The following FBXO8 variants were observed in gnomAD, a reference collection of about 807,000 sequenced individuals.
The protein encoded by FBXO8 is F-box only protein 8.
Under a neutral mutation model 33.4 loss-of-function variants are expected in FBXO8, and 15 were observed. The observed-to-expected ratio is 0.45, with a 90% CI of 0.30 to 0.69. The LOEUF is 0.69. FBXO8 is among the 30% of genes least tolerant of loss of function. FBXO8 has a pLI of 0.08. For missense variants in FBXO8, 274 were observed against 380.3 expected (o/e 0.72, Z 2.32); for synonymous variants, 132 against 131.5 (o/e 1.00, Z -0.02).
At position 174,262,715 on chromosome 4, in the gene FBXO8, T is replaced by C. The variant is rs1736597628; in HGVS notation, c.329+49A>G. 6.8e-7 allele frequency: 1 copy of C among 1,474,814 alleles called. No individual in the cohort carries two copies. The highest frequency in any genetic ancestry group is 9.4e-7 in the Non-Finnish European group (1 of 1,063,704). 91.4% of individuals were successfully genotyped at this position (1,474,814 alleles called of 1,614,324 possible). A position where few individuals can be genotyped will look rare whatever the true frequency, so the allele number is the denominator to read the frequency against. On this transcript the variant is annotated intron_variant, in intron 2 of 5. Coordinates refer to ENST00000393674, the MANE Select transcript of FBXO8 (RefSeq NM_012180.3). This position sits in a 1 kb window ranked among gnomAD's most constrained non-coding sequence, Gnocchi z 4.6. ...ACATTATAAAAAGAACATTGAAGCATGATTATGTTTAGAGATACCTGAATT... is the reference window on the plus strand; with the variant it reads ...ACATTATAAAAAGAACATTGAAGCACGATTATGTTTAGAGATACCTGAATT...
At position 174,263,079 on chromosome 4, in the gene FBXO8, A is replaced by C. The variant is rs769208942; in HGVS notation, c.14T>G (p.Leu5Trp). ...CTGCTGGTTTCTGACCACTCTCCACAACCCTTGACCCATCTGCAAGCCTGG... is the reference window on the plus strand; with the variant it reads ...CTGCTGGTTTCTGACCACTCTCCACCACCCTTGACCCATCTGCAAGCCTGG... Reference protein sequence around the residue: MGQGLWRVVRNQQLQ... With the variant: MGQGWWRVVRNQQLQ... Residue 5 changes from leucine to tryptophan, a missense_variant, in exon 2 of 6, where the codon TTG becomes TGG. By Grantham distance (61) the Leu-to-Trp change is moderately conservative. This residue lies in a region of FBXO8 where 88 missense variants were observed against 86.9 expected (regional missense o/e 1.01). Coordinates refer to ENST00000393674, the MANE Select transcript of FBXO8 (RefSeq NM_012180.3). The surrounding 1 kb of genome is among the most constrained non-coding windows in gnomAD (Gnocchi z 4.2). The C allele has an allele frequency of 1.2e-6, 2 of 1,613,706 alleles. No homozygotes were observed. The highest frequency in any genetic ancestry group is 2.2e-5 in the South Asian group (2 of 91,058).
chr4:174,252,896 G>A lies in FBXO8; in HGVS notation c.456+6803C>T, dbSNP rs1344245152. On this transcript the variant is annotated intron_variant, in intron 3 of 5. Transcript: ENST00000393674. The surrounding 1 kb of genome is among the most constrained non-coding windows in gnomAD (Gnocchi z 5.1). ...TGAGGCACAAGAATTACCTGAGCCC[G>A]GGAGGTGGTGATTGCAGTGAGCCAA... is the stretch of plus-strand genomic sequence containing the variant. 1.3e-5 allele frequency among the ~76,000 whole-genome samples: 2 copies of A among 152,032 alleles called. No individual in the cohort carries two copies. Among genetic ancestry groups the A allele is most frequent in the African/African-American group, 2.4e-5 (1 of 41,376 alleles).
At chr4:174,246,552 G>A (rs1398147605) in intron 3 of FBXO8, among the ~76,000 whole-genome samples, 1 of 151,386 alleles carries the variant, frequency 6.6e-6, no homozygotes, top group Non-Finnish European at 1.5e-5. Context: ...TTAGTACAAA[G>A]GAGGAAAAAA....
chr4:174,240,525 T>A (rs1327624278), intron 4 of FBXO8, among the ~76,000 whole-genome samples: 1 of 151,770 alleles, frequency 6.6e-6, no homozygotes, highest in Non-Finnish European at 1.5e-5. Context: ...TGTTCTTTAA[T>A]AATCAAAAGT....
Position 174,252,366 on chromosome 4 carries a change from T to C in FBXO8, c.456+7333A>G, listed in dbSNP as rs1230928402. On this transcript the variant is annotated intron_variant, in intron 3 of 5. Coordinates refer to ENST00000393674, the MANE Select transcript of FBXO8 (RefSeq NM_012180.3). This position sits in a 1 kb window ranked among gnomAD's most constrained non-coding sequence, Gnocchi z 5.1. ...TAATAGCAATAATACATCAAGATGT[T>C]TTTGGTTATAAACAACAGGAGACCT... Among the ~76,000 whole-genome samples, 1 of 152,080 alleles carries C rather than the reference T, an allele frequency of 6.6e-6. No individual in the cohort carries two copies. Among genetic ancestry groups the C allele is most frequent in the Non-Finnish European group, 1.5e-5 (1 of 68,006 alleles).
At chr4:174,246,527 CACTTGAAAAATATATTAGTACAAAGGAGG>C (rs1736160291) in intron 3 of FBXO8, among the ~76,000 whole-genome samples, 1 of 151,428 alleles carries the variant, frequency 6.6e-6, no homozygotes, top group African/African-American at 2.4e-5. Flanking sequence ...ATTGTCCACT[CACTTGAAAAATATATTAGTACAAAGGAGG>C]AAAAAATGGC....
At position 174,237,179 on chromosome 4, in the gene FBXO8, G is replaced by A. The variant is rs754682581; in HGVS notation, c.*233C>T. On this transcript the variant is annotated 3_prime_UTR_variant, in exon 6 of 6. Coordinates refer to ENST00000393674, the MANE Select transcript of FBXO8 (RefSeq NM_012180.3). This position sits in a 1 kb window ranked among gnomAD's most constrained non-coding sequence, Gnocchi z 4.4. The stretch of plus-strand genomic sequence containing the variant: ...TCGTTAACAGCTGTGTTAGACAGTG[G>A]CTCTGCTTTGTGCAAAACGTGATAA... The A allele has an allele frequency of 2.3e-5, 10 of 439,684 alleles. No homozygotes were observed. Among genetic ancestry groups the A allele is most frequent in the Non-Finnish European group, 4.1e-5 (10 of 244,006 alleles). 27.2% of individuals were successfully genotyped at this position (439,684 alleles called of 1,614,324 possible).
rs1736288635 is a variant in FBXO8 at position 174,251,693 on chromosome 4, C to A, written c.456+8006G>T. On this transcript the variant is annotated intron_variant, in intron 3 of 5. Coordinates refer to ENST00000393674, the MANE Select transcript of FBXO8 (RefSeq NM_012180.3). The surrounding 1 kb of genome is among the most constrained non-coding windows in gnomAD (Gnocchi z 4.2). ...TTTAGCACCATTTGACTAATTGTAG[C>A]TAGTCGCTTGAAGGTATTAAGTTGT... Among the ~76,000 whole-genome samples, 1 of 152,098 alleles carries A rather than the reference C, an allele frequency of 6.6e-6. No individual in the cohort carries two copies. Among genetic ancestry groups the A allele is most frequent in the Non-Finnish European group, 1.5e-5 (1 of 68,000 alleles).
In FBXO8 at chr4:174,253,529, G is replaced by A. The variant is rs1736345146; in HGVS notation, c.456+6170C>T. Among the ~76,000 whole-genome samples the A allele has an allele frequency of 6.6e-6, 1 of 152,174 alleles. No individual in the cohort carries two copies. The highest frequency in any genetic ancestry group is 1.5e-5 in the Non-Finnish European group (1 of 68,034). On this transcript the variant is annotated intron_variant, in intron 3 of 5. Coordinates refer to ENST00000393674, the MANE Select transcript of FBXO8 (RefSeq NM_012180.3). This position sits in a 1 kb window ranked among gnomAD's most constrained non-coding sequence, Gnocchi z 4.5. The stretch of plus-strand genomic sequence containing the variant: ...TTTGGATACTAAGGCCTCTAACCCA[G>A]CAGAGACCAGAAACAAGGAAGGCTG...
rs1339592699 is a variant in FBXO8, at chr4:174,257,660, T to C, written c.456+2039A>G. ...TCAACAGACTGATGCAAAATATATA[T>C]CTTTATTGTGACTATTATTAAGATC... On this transcript the variant is annotated intron_variant, in intron 3 of 5. Coordinates refer to ENST00000393674, the MANE Select transcript of FBXO8 (RefSeq NM_012180.3). This position sits in a 1 kb window ranked among gnomAD's most constrained non-coding sequence, Gnocchi z 4.3. Among the ~76,000 whole-genome samples the C allele has an allele frequency of 1.3e-5, 2 of 152,096 alleles. No individual in the cohort carries two copies. Among genetic ancestry groups the C allele is most frequent in the Admixed American group, 1.3e-4 (2 of 15,260 alleles).
In FBXO8 at chr4:174,259,908, G is replaced by GT. The variant is rs1395294567; in HGVS notation, c.330-84dup. On this transcript the variant is annotated intron_variant, in intron 2 of 5. Transcript: ENST00000393674. The surrounding 1 kb of genome is among the most constrained non-coding windows in gnomAD (Gnocchi z 4.3). ...AAATATGCATATACATGCAAAAATA[G>GT]TAACATGAAATAAGATTGAATTTTA... 6.1e-6 allele frequency: 8 copies of GT among 1,310,810 alleles called. No homozygotes were observed. The highest frequency in any genetic ancestry group is 8.3e-6 in the Non-Finnish European group (8 of 967,818). The allele number at this position is 1,310,810 out of a possible 1,614,324, so 81.2% of individuals were successfully genotyped here. A position where few individuals can be genotyped will look rare whatever the true frequency, so the allele number is the denominator to read the frequency against.
intron 3 of FBXO8, among the ~76,000 whole-genome samples, chr4:174,246,721 G>C (rs1736167539): frequency 6.6e-6 from 1 of 152,020 alleles, no homozygotes; most frequent in Admixed American, 6.6e-5. Flanking sequence ...AAAGAGAGCA[G>C]GGGAAAGGTC....
At chr4:174,239,296 AT>A in intron 4 of FBXO8, 106 bp from the exon 5 acceptor site, 1 of 606,814 alleles carries the variant, frequency 1.6e-6, no homozygotes, top group African/African-American at 1.9e-5. Context: ...CTTATTACTG[AT>A]TACTAGATCA....
rs1327430303 is a variant in FBXO8, at chr4:174,259,075, G to A, written c.456+624C>T. On this transcript the variant is annotated intron_variant, in intron 3 of 5. Transcript: ENST00000393674. This position sits in a 1 kb window ranked among gnomAD's most constrained non-coding sequence, Gnocchi z 4.3. ...AAAATCTGAACTTTTCCATGACATA[G>A]TAAAATAAGAATAGAGAAAAAAAAA... Among the ~76,000 whole-genome samples, 2 of 151,048 alleles carry A rather than the reference G, an allele frequency of 1.3e-5. No individual in the cohort carries two copies. The highest frequency in any genetic ancestry group is 1.3e-4 in the Admixed American group (2 of 15,156).
rs759160396 is a variant in FBXO8, at chr4:174,247,887, T to TA, written c.457-6670dup. ...GTTTGAAGAATTGCTAAGGTAAATG[T>TA]AAAATCTATTAATTTTTATCAGTCC... is the stretch of plus-strand genomic sequence containing the variant. On this transcript the variant is annotated intron_variant, in intron 3 of 5. Coordinates refer to ENST00000393674, the MANE Select transcript of FBXO8 (RefSeq NM_012180.3). The surrounding 1 kb of genome is among the most constrained non-coding windows in gnomAD (Gnocchi z 4.6). Among the ~76,000 whole-genome samples the TA allele has an allele frequency of 1.3e-5, 2 of 152,088 alleles. No homozygotes were observed. The highest frequency in any genetic ancestry group is 6.6e-5 in the Admixed American group (1 of 15,234).
chr4:174,273,661 C>G (rs1370601571), intron 1 of FBXO8, among the ~76,000 whole-genome samples: 1 of 152,104 alleles, frequency 6.6e-6, no homozygotes, highest in African/African-American at 2.4e-5. Context: ...ACGTCTATGT[C>G]TATACAGATG....
At chr4:174,264,807 A>C (rs1345665040) in intron 1 of FBXO8, among the ~76,000 whole-genome samples, 1 of 151,960 alleles carries the variant, frequency 6.6e-6, no homozygotes, top group Admixed American at 6.6e-5. Context: ...AAAAAAAAAA[A>C]ACAGAATATC....
chr4:174,266,321 C>A (rs1736693712), intron 1 of FBXO8, among the ~76,000 whole-genome samples: 1 of 152,116 alleles, frequency 6.6e-6, no homozygotes, highest in Non-Finnish European at 1.5e-5. Context: ...AAGAAAACTG[C>A]AAAATTATAC....
rs1227093095 is a variant in FBXO8, at chr4:174,275,227, G to A, written c.-9+8183C>T. ...ACATCATTAGCCAGGAGAGAGGTGC[G>A]TACGGTTATAAAAGCACAGTGTGAG... is the stretch of plus-strand genomic sequence containing the variant. On this transcript the variant is annotated intron_variant, in intron 1 of 5. Transcript: ENST00000393674. The surrounding 1 kb of genome is among the most constrained non-coding windows in gnomAD (Gnocchi z 4.4). 3.3e-5 allele frequency among the ~76,000 whole-genome samples: 5 copies of A among 152,262 alleles called. No individual in the cohort carries two copies. Among genetic ancestry groups the A allele is most frequent in the Admixed American group, 1.3e-4 (2 of 15,300 alleles).
Sources: gnomAD v4.1 joint callset for allele counts (sites outside exome capture counted in the v4.1 genomes callset) on GRCh38, gnomAD v4.1.1 for gene constraint, gnomAD v4.1.1 regional missense constraint, Gnocchi (gnomAD v3.1) non-coding constraint, MANE v1.5 for transcripts, NCBI Gene and HGNC (gene_info 2026-07-23, HGNC 2026-07-21) for gene names.